The following ATP10D variants were observed in gnomAD, a reference collection of about 807,000 sequenced individuals.
ATP10D encodes the protein phospholipid-transporting ATPase VD.
A neutral mutation model predicts 144.8 loss-of-function variants in ATP10D; 89 were observed. That is an observed-to-expected ratio of 0.61 (90% CI 0.52 to 0.73). ATP10D has a LOEUF of 0.73. Among genes scored for constraint, ATP10D ranks in the 30% least tolerant of loss-of-function variants. ATP10D has a pLI of 0.00. For synonymous variants in ATP10D, 571 were observed against 615.1 expected, an observed-to-expected ratio of 0.93 and a Z score of 1.06; for missense variants, 1,603 against 1,714.8, an observed-to-expected ratio of 0.93 and a Z score of 1.15.
chr4:47,580,134 G>A (rs577287042), intron 19 of ATP10D, among the ~76,000 whole-genome samples: 20 of 152,150 alleles, frequency 1.3e-4, no homozygotes, highest in Admixed American at 3.3e-4. Context: ...TAGTACTACC[G>A]GCTGTATTTC....
At chr4:47,491,046 A>G (rs1236035819) in intron 1 of ATP10D, 2 of 722,340 alleles carry the variant, frequency 2.8e-6, no homozygotes, top group African/African-American at 1.7e-5. Context: ...TGGCTCTCAC[A>G]AAGTGTGCTT....
intron 9 of ATP10D, 81 bp from the exon 10 acceptor site, chr4:47,546,543 C>T: frequency 1.6e-6 from 2 of 1,270,198 alleles, no homozygotes. Context: ...TGTGAAATAG[C>T]TGCTTAAGTA....
rs1222522594 is a variant in ATP10D at position 47,563,562 on chromosome 4, C to A, written c.2669-19C>A. 3 of 1,590,850 alleles carry A rather than the reference C, an allele frequency of 1.9e-6. No homozygotes were observed. The highest frequency in any genetic ancestry group is 1.8e-5 in the Admixed American group (1 of 55,330). On this transcript the variant is annotated intron_variant, in intron 14 of 22. Transcript: ENST00000273859. The stretch of plus-strand genomic sequence containing the variant: ...CTTTGGTTTCTTACAAGTCCTATTG[C>A]ACTTTGGTTATTTTTTAGGTGCTAC...
intron 5 of ATP10D, among the ~76,000 whole-genome samples, chr4:47,528,116 T>C (rs1305935858): frequency 1.3e-5 from 2 of 152,164 alleles, no homozygotes; most frequent in Non-Finnish European, 2.9e-5. Flanking sequence ...TTTTATAGGT[T>C]CAATGGTCTT....
Position 47,581,913 on chromosome 4 carries a change from C to G in ATP10D, c.3649-47C>G, listed in dbSNP as rs1312443347. On this transcript the variant is annotated intron_variant, in intron 20 of 22. Coordinates refer to ENST00000273859, the MANE Select transcript of ATP10D (RefSeq NM_020453.4). ...TGTAGATAAAGTGATGTTACCCACA[C>G]CAAGTTGCACAACTCTCCAGGATCA... The G allele has an allele frequency of 2.0e-6, 3 of 1,482,422 alleles. No individual in the cohort carries two copies. The Admixed American group carries it at 5.0e-5, about 25-fold the overall frequency. 91.8% of individuals were successfully genotyped at this position (1,482,422 alleles called of 1,614,324 possible).
intron 4 of ATP10D, 121 bp from the exon 5 acceptor site, chr4:47,525,436 A>G (rs1717190014): frequency 7.1e-6 from 5 of 701,416 alleles, no homozygotes. Context: ...GAAATTCATG[A>G]TATGAACTTC....
chr4:47,570,550 T>A (rs999046044), intron 16 of ATP10D, among the ~76,000 whole-genome samples: 2 of 152,154 alleles, frequency 1.3e-5, no homozygotes, highest in Non-Finnish European at 2.9e-5. Flanking sequence ...ACGCCTGTAA[T>A]CCCAGCACTT....
chr4:47,486,650 C>T (rs1287926348), intron 1 of ATP10D, among the ~76,000 whole-genome samples: 1 of 152,206 alleles, frequency 6.6e-6, no homozygotes, highest in Admixed American at 6.5e-5. Flanking sequence ...GTAATAACTG[C>T]TTCTTCTGGA....
intron 21 of ATP10D, among the ~76,000 whole-genome samples, chr4:47,585,872 C>T (rs1720763834): frequency 6.6e-6 from 1 of 151,720 alleles, no homozygotes; most frequent in South Asian, 2.1e-4. Context: ...GTAGATATAC[C>T]ACAGTTTTTT....
intron 9 of ATP10D, among the ~76,000 whole-genome samples, chr4:47,543,562 G>T (rs1384505546): frequency 6.6e-6 from 1 of 152,126 alleles, no homozygotes; most frequent in Non-Finnish European, 1.5e-5. Flanking sequence ...ACCCCCAGGG[G>T]ACAAATTCAC....
At chr4:47,522,936 A>C in intron 3 of ATP10D, 76 bp from the exon 4 acceptor site, 1 of 1,231,548 alleles carries the variant, frequency 8.1e-7, no homozygotes, top group Non-Finnish European at 1.1e-6. Context: ...ATACGCTAAA[A>C]AATTTTTTAA....
rs771471852 is a variant in ATP10D at position 47,536,743 on chromosome 4, T to C, written c.1201T>C (p.Tyr401His). ...CGAAATTGTGAAGCTTGGACAAATA[T>C]ATTTCATTCAAAGTGATGTGGATTT... ...SIEIVKLGQIYFIQSDVDFYN... is the reference protein window; with the variant it reads ...SIEIVKLGQIHFIQSDVDFYN... Residue 401 changes from tyrosine (Y) to histidine (H), a missense_variant, in exon 9 of 23, where the codon TAT (tyrosine) becomes CAT (histidine). By Grantham distance (83) the Tyr-to-His change is moderately conservative. Coordinates refer to ENST00000273859, the MANE Select transcript of ATP10D (RefSeq NM_020453.4). The C allele has an allele frequency of 8.1e-6, 13 of 1,613,424 alleles. No individual in the cohort carries two copies. Among genetic ancestry groups the C allele is most frequent in the Non-Finnish European group, 1.0e-5 (12 of 1,179,662 alleles).
chr4:47,487,193 C>G (rs1714810691), intron 1 of ATP10D, among the ~76,000 whole-genome samples: 1 of 139,494 alleles, frequency 7.2e-6, no homozygotes, highest in Non-Finnish European at 1.5e-5. Context: ...CGGGCCATTG[C>G]ACTCCAGCCT....
intron 1 of ATP10D, among the ~76,000 whole-genome samples, chr4:47,502,298 C>T (rs894691882): frequency 7.2e-5 from 11 of 152,044 alleles, no homozygotes; most frequent in Non-Finnish European, 1.5e-4. Flanking sequence ...GGTGAAACCC[C>T]GTCTCTACTA....
At chr4:47,572,271 T>TGCC (rs746152885) in intron 17 of ATP10D, 41 bp downstream of exon 17, 1 of 1,557,384 alleles carries the variant, frequency 6.4e-7, no homozygotes, top group Non-Finnish European at 8.9e-7. Context: ...GGCCTTGACC[T>TGCC]GCCCATCCAA....
chr4:47,527,183 T>C (rs1717290898), intron 5 of ATP10D, among the ~76,000 whole-genome samples: 3 of 152,048 alleles, frequency 2.0e-5, no homozygotes, highest in Admixed American at 1.3e-4. Context: ...TTAACAAAGG[T>C]GCAAAGACAC....
At chr4:47,491,241 A>G (rs1715062522) in intron 1 of ATP10D, 2 of 783,862 alleles carry the variant, frequency 2.6e-6, no homozygotes, top group Non-Finnish European at 4.6e-6. Context: ...GTTTACAACA[A>G]TGCCAACAGC....
chr4:47,573,090 A>C, intron 18 of ATP10D, 93 bp downstream of exon 18: 3 of 1,443,770 alleles, frequency 2.1e-6, no homozygotes, highest in Non-Finnish European at 1.9e-6. Flanking sequence ...TGCTAAGCTC[A>C]CTTTCCTTAT....
chr4:47,531,085 T>TG (rs1717544140), intron 5 of ATP10D, among the ~76,000 whole-genome samples: 1 of 126,712 alleles, frequency 7.9e-6, no homozygotes, highest in South Asian at 2.7e-4. Flanking sequence ...GGGTATCAGC[T>TG]ATTTTTTTTT....
Sources: gnomAD v4.1 joint callset for allele counts (sites outside exome capture counted in the v4.1 genomes callset) on GRCh38, gnomAD v4.1.1 for gene constraint, MANE v1.5 for transcripts, NCBI Gene and HGNC (gene_info 2026-07-23, HGNC 2026-07-21) for gene names.